Variants in ZMYM6 observed in about 807,000 individuals in gnomAD.
ZMYM6 encodes the protein zinc finger MYM-type protein 6.
In ZMYM6, 90 loss-of-function variants were observed where a neutral mutation model predicts 134.0. The ratio of observed to expected loss-of-function variants is 0.67; its 90% CI spans 0.57 to 0.80. ZMYM6 has a LOEUF of 0.80. Ranked by LOEUF, ZMYM6 falls within the 30% of genes least tolerant of loss-of-function variation. The pLI is 0.00. For missense variants in ZMYM6, 1,362 were observed against 1,533.9 expected (o/e 0.89, Z 1.87); for synonymous variants, 481 against 524.1 (o/e 0.92, Z 1.12).
intron 14 of ZMYM6, among the ~76,000 whole-genome samples, chr1:35,003,397 C>G (rs55682954): frequency 0.017 from 2,651 of 152,196 alleles, 80 homozygotes; most frequent in African/African-American, 0.06. Context: ...AGAAGTCTCA[C>G]AATATTTCAA....
chr1:35,015,721 CT>C (rs1641170312), intron 4 of ZMYM6, among the ~76,000 whole-genome samples: 1 of 80,846 alleles, frequency 1.2e-5, no homozygotes, highest in African/African-American at 1.7e-4. Context: ...TAGACTCCAT[CT>C]CAAAAAAAAA....
At chr1:35,018,160 CA>C (rs1345208445) in intron 4 of ZMYM6, 1 of 152,158 alleles carries the variant, frequency 6.6e-6, no homozygotes, top group African/African-American at 2.4e-5. Context: ...GCCTGGGCAA[CA>C]TAGCAAAACC....
At chr1:35,014,485 A>C (rs1401930411) in intron 6 of ZMYM6, among the ~76,000 whole-genome samples, 2 of 152,216 alleles carry the variant, frequency 1.3e-5, no homozygotes, top group African/African-American at 2.4e-5. Context: ...TTAGCTATGA[A>C]GGGAGCCTTA....
chr1:35,023,257 G>A (rs1427901599), intron 2 of ZMYM6, among the ~76,000 whole-genome samples: 2 of 151,988 alleles, frequency 1.3e-5, no homozygotes, highest in African/African-American at 2.4e-5. Context: ...ACAGGCATGC[G>A]CCACCACGCC....
intron 11 of ZMYM6, among the ~76,000 whole-genome samples, chr1:35,007,418 G>A (rs1228446561): frequency 4.0e-5 from 6 of 151,808 alleles, no homozygotes; most frequent in Admixed American, 6.6e-5. Flanking sequence ...GTGAAACCCC[G>A]TATCTACTAA....
chr1:35,024,565 C>A lies in ZMYM6; in HGVS notation c.94-4098G>T, dbSNP rs1030839247. Among the ~76,000 whole-genome samples the A allele has an allele frequency of 2.6e-5, 4 of 152,148 alleles. No homozygotes were observed. The East Asian group carries it at 7.7e-4, about 29-fold the overall frequency. On this transcript the variant is annotated intron_variant, in intron 2 of 15. Transcript: ENST00000357182. ...AAGTATCCTTGGACTCCTCTTTGACCTTCACACCCATAAACAATCTCTAAA... is the reference window on the plus strand; with the variant it reads ...AAGTATCCTTGGACTCCTCTTTGACATTCACACCCATAAACAATCTCTAAA...
intron 1 of ZMYM6, chr1:35,031,236 G>A (rs1040375186): frequency 5.3e-5 from 8 of 152,296 alleles, no homozygotes; most frequent in African/African-American, 1.9e-4. Context: ...GCGAACAACA[G>A]GAACGCCCTT....
At chr1:34,990,353 GGT>G (rs1388967031) in intron 15 of ZMYM6, 3 of 226,722 alleles carry the variant, frequency 1.3e-5, no homozygotes, top group South Asian at 4.6e-5. Flanking sequence ...CATGGTGGCA[GGT>G]GCCTGTAATC....
intron 11 of ZMYM6, 65 bp downstream of exon 11, chr1:35,008,687 C>T (rs1001927907): frequency 2.0e-6 from 3 of 1,530,700 alleles, no homozygotes; most frequent in Middle Eastern, 1.8e-4. Context: ...AATTTGAATA[C>T]ATTTTAAATA....
chr1:35,023,252 C>T (rs1195661594), intron 2 of ZMYM6, among the ~76,000 whole-genome samples: 3 of 152,242 alleles, frequency 2.0e-5, no homozygotes, highest in Non-Finnish European at 4.4e-5. Context: ...GGATTACAGG[C>T]ATGCGCCACC....
chr1:34,988,191 T>A lies in ZMYM6; in HGVS notation c.2891A>T (p.Tyr964Phe). 1 of 1,548,584 alleles carries A rather than the reference T, an allele frequency of 6.5e-7. No homozygotes were observed. Among genetic ancestry groups the A allele is most frequent in the Non-Finnish European group, 8.7e-7 (1 of 1,145,544 alleles). ...GFEIFELINK[Y>F]IDSKSLNWKH... Reference sequence around the variant, plus strand: ...CCAATTCAGAGATTTACTATCAATATATTTATTTATTAGTTCAAATATTTC... The same window carrying A: ...CCAATTCAGAGATTTACTATCAATAAATTTATTTATTAGTTCAAATATTTC... The change falls in exon 16 of 16, where the codon TAT (tyrosine) becomes TTT (phenylalanine). Residue 964 changes from tyrosine (Y) to phenylalanine (F), a missense_variant. Around this residue, in one of 3 missense-constraint regions of ZMYM6, gnomAD observed 824 missense variants for 940.9 expected, o/e 0.88. Coordinates refer to ENST00000357182, the MANE Select transcript of ZMYM6 (RefSeq NM_007167.4).
intron 11 of ZMYM6, among the ~76,000 whole-genome samples, chr1:35,008,290 T>A (rs560464294): frequency 7.0e-4 from 106 of 152,304 alleles, no homozygotes; most frequent in Non-Finnish European, 1.1e-3. Flanking sequence ...GCACCAGACA[T>A]GTATTAGTGG....
intron 4 of ZMYM6, chr1:35,017,149 G>T (rs1641216814): frequency 6.6e-6 from 1 of 152,110 alleles, no homozygotes; most frequent in African/African-American, 2.4e-5. Context: ...ACTAATCCAG[G>T]CAATCTGATT....
Position 35,014,973 on chromosome 1 carries a change from T to A in ZMYM6, c.603+15A>T. ...TCTTTCAGCAGAATCCCAATAAAAG[T>A]AAAATGTAACTTACATCAGCATTCT... On this transcript the variant is annotated intron_variant, in intron 5 of 15. Transcript: ENST00000357182. 1 of 1,609,728 alleles carries A rather than the reference T, an allele frequency of 6.2e-7. No homozygotes were observed. Among genetic ancestry groups the A allele is most frequent in the South Asian group, 1.1e-5 (1 of 90,326 alleles).
chr1:34,990,391 G>A lies in ZMYM6; in HGVS notation c.2147-1456C>T, dbSNP rs1261486265. The A allele has an allele frequency of 2.7e-5, 5 of 182,664 alleles. No individual in the cohort carries two copies. The East Asian group carries it at 7.5e-4, about 27-fold the overall frequency. The allele number at this position is 182,664 out of a possible 1,614,324, so 11.3% of individuals were successfully genotyped here. On this transcript the variant is annotated intron_variant, in intron 15 of 15. Transcript: ENST00000357182. Reference sequence around the variant, plus strand: ...CCAGCTACTCAGGAGGCTGAGGTAGGAGAATCGCTTGAACCTGGCAGGTGG... The same window carrying A: ...CCAGCTACTCAGGAGGCTGAGGTAGAAGAATCGCTTGAACCTGGCAGGTGG...
At position 35,008,805 on chromosome 1, in the gene ZMYM6, C is replaced by G. The variant is rs1272260313; in HGVS notation, c.1612G>C (p.Glu538Gln). 3 of 1,614,028 alleles carry G rather than the reference C, an allele frequency of 1.9e-6. No individual in the cohort carries two copies. The highest frequency in any genetic ancestry group is 1.1e-5 in the South Asian group (1 of 91,086). Residue 538 changes from glutamate (E) to glutamine (Q), a missense_variant, in exon 11 of 16, where the codon GAA becomes CAA. Physicochemically the swap from Glu to Gln is conservative, Grantham distance 29. Transcript: ENST00000357182. ...LVENRLEGKL[E>Q]EFCCEDCMSK... is the part of the protein sequence containing the mutation. ...ATACAATCTTCACAACAAAACTCTTCTAACTTGCCCTCCAATCGATTTTCT... is the reference window on the plus strand; with the variant it reads ...ATACAATCTTCACAACAAAACTCTTGTAACTTGCCCTCCAATCGATTTTCT...
rs1640576822 is a variant in ZMYM6, at chr1:34,986,293, T to C, written c.*811A>G. The C allele has an allele frequency of 6.6e-6, 1 of 152,204 alleles. No homozygotes were observed. The highest frequency in any genetic ancestry group is 2.4e-5 in the African/African-American group (1 of 41,442). The allele number at this position is 152,204 out of a possible 1,614,324, so 9.4% of individuals were successfully genotyped here. ...AGTATGGCCTGCAAAGCTGAAAATA[T>C]TTACTATCTGGCTCTTTATTTAAAA... On this transcript the variant is annotated 3_prime_UTR_variant, in exon 16 of 16. Coordinates refer to ENST00000357182, the MANE Select transcript of ZMYM6 (RefSeq NM_007167.4).
chr1:34,998,149 C>T lies in ZMYM6; in HGVS notation c.1993-5762G>A, dbSNP rs538987652. On this transcript the variant is annotated intron_variant, in intron 14 of 15. Coordinates refer to ENST00000357182, the MANE Select transcript of ZMYM6 (RefSeq NM_007167.4). ...CAAAAATTAGCCAGGCGTGGTGGCA[C>T]GCGCCTGTAATCCCAGCTACTCAGG... Among the ~76,000 whole-genome samples, 17 of 152,162 alleles carry T rather than the reference C, an allele frequency of 1.1e-4. No individual in the cohort carries two copies. The East Asian group carries it at 2.5e-3, about 22-fold the overall frequency.
intron 14 of ZMYM6, among the ~76,000 whole-genome samples, chr1:34,992,638 A>C (rs1353872432): frequency 6.8e-6 from 1 of 147,268 alleles, no homozygotes; most frequent in African/African-American, 2.5e-5. Context: ...ATAAACTATA[A>C]ATATAAAAAT....
Sources: allele counts gnomAD v4.1 joint callset (sites outside exome capture counted in the v4.1 genomes callset), GRCh38; gene constraint gnomAD v4.1.1; regional missense constraint gnomAD v4.1.1; transcripts MANE v1.5; gene names NCBI Gene and HGNC (gene_info 2026-07-23, HGNC 2026-07-21).